STX8: variants seen among roughly 807,000 people sequenced by gnomAD.
STX8 encodes the protein syntaxin 8.
A neutral mutation model predicts 37.5 loss-of-function variants in STX8; 23 were observed. The ratio of observed to expected loss-of-function variants is 0.61; its 90% CI spans 0.44 to 0.87. The LOEUF is 0.87. Ranked by LOEUF, STX8 falls within the 40% of genes least tolerant of loss-of-function variation. STX8 has a pLI of 0.00. For synonymous variants in STX8, 115 were observed against 99.1 expected, an observed-to-expected ratio of 1.16 and a Z score of -0.95; for missense variants, 313 against 284.7, an observed-to-expected ratio of 1.10 and a Z score of -0.71.
At chr17:9,472,070 C>CTTT (rs11364559) in intron 6 of STX8, among the ~76,000 whole-genome samples, 11 of 139,900 alleles carry the variant, frequency 7.9e-5, no homozygotes, top group African/African-American at 2.9e-4. Context: ...TGGTAGATTC[C>CTTT]TTTTTTTTTT....
At chr17:9,358,564 T>C (rs1910956277) in intron 7 of STX8, among the ~76,000 whole-genome samples, 1 of 152,228 alleles carries the variant, frequency 6.6e-6, no homozygotes, top group South Asian at 2.1e-4. Flanking sequence ...CTTGGGACTA[T>C]TCCTGTGCTC....
intron 6 of STX8, among the ~76,000 whole-genome samples, chr17:9,379,561 G>A (rs867209655): frequency 6.6e-4 from 101 of 152,278 alleles, no homozygotes; most frequent in African/African-American, 2.2e-3. Flanking sequence ...GAGGCATATC[G>A]AGCAGTTGAA....
At chr17:9,400,619 G>C (rs549565688) in intron 6 of STX8, among the ~76,000 whole-genome samples, 4 of 151,984 alleles carry the variant, frequency 2.6e-5, no homozygotes, top group East Asian at 1.9e-4. Flanking sequence ...TGGTCAGGCT[G>C]GTCTCAAACT....
At chr17:9,410,793 T>A (rs1265636166) in intron 6 of STX8, among the ~76,000 whole-genome samples, 1 of 152,156 alleles carries the variant, frequency 6.6e-6, no homozygotes, top group African/African-American at 2.4e-5. Context: ...TTCATTACAT[T>A]TTTTTCCTAA....
rs140965935 is a variant in STX8 at position 9,356,960 on chromosome 17, G to GTTTTTTTTTTTTTTTTT, written c.643+21575_643+21591dup. Among the ~76,000 whole-genome samples the GTTTTTTTTTTTTTTTTT allele has an allele frequency of 3.9e-4, 24 of 61,748 alleles. 1 individual carries two copies. Among genetic ancestry groups the GTTTTTTTTTTTTTTTTT allele is most frequent in the African/African-American group, 1.4e-3 (23 of 16,090 alleles). 40.5% of individuals were successfully genotyped at this position (61,748 alleles called of 152,430 possible). On this transcript the variant is annotated intron_variant, in intron 7 of 7. Coordinates refer to ENST00000306357, the MANE Select transcript of STX8 (RefSeq NM_004853.3). ...TTTCATTCTCTCCATCCTTTTAACA[G>GTTTTTTTTTTTTTTTTT]TTTTTTTTTTTTTTTTTTTTTTTTT...
intron 4 of STX8, among the ~76,000 whole-genome samples, chr17:9,505,917 G>C (rs902784822): frequency 7.0e-6 from 1 of 143,538 alleles, no homozygotes; most frequent in Admixed American, 7.2e-5. Context: ...ACTGCAGCCT[G>C]GGTAGCGGAG....
chr17:9,377,266 C>T (rs986290861), intron 7 of STX8, among the ~76,000 whole-genome samples: 1 of 151,844 alleles, frequency 6.6e-6, no homozygotes, highest in African/African-American at 2.4e-5. Flanking sequence ...AGTATGTTCT[C>T]AGATCTCTAG....
chr17:9,279,825 C>T (rs1156899213), intron 7 of STX8, among the ~76,000 whole-genome samples: 1 of 152,136 alleles, frequency 6.6e-6, no homozygotes, highest in East Asian at 1.9e-4. Flanking sequence ...AATGAGAACA[C>T]CTAACGTGGA....
chr17:9,332,380 C>T (rs375359413), intron 7 of STX8, among the ~76,000 whole-genome samples: 4 of 152,306 alleles, frequency 2.6e-5, no homozygotes, highest in Admixed American at 6.5e-5. Context: ...ATCAGATCGA[C>T]GTGCTGCCTT....
In STX8 at chr17:9,485,237, G is replaced by A. The variant is rs541052965; in HGVS notation, c.541+6592C>T. Among the ~76,000 whole-genome samples the A allele has an allele frequency of 1.2e-4, 18 of 152,288 alleles. 1 individual carries two copies. The highest frequency in any genetic ancestry group is 1.2e-3 in the East Asian group (6 of 5,190). The stretch of plus-strand genomic sequence containing the variant: ...AAGGTATCAGGCTATTGCAGTAATC[G>A]AGGCCAAGGATGACAGTGGCCCAGA... On this transcript the variant is annotated intron_variant, in intron 6 of 7. Coordinates refer to ENST00000306357, the MANE Select transcript of STX8 (RefSeq NM_004853.3).
At chr17:9,490,340 ATCCCC>A (rs1906801192) in intron 6 of STX8, among the ~76,000 whole-genome samples, 1 of 151,976 alleles carries the variant, frequency 6.6e-6, no homozygotes, top group Admixed American at 6.6e-5. Context: ...GTGTTCGTCT[ATCCCC>A]AGGGCTTCGA....
chr17:9,562,570 G>A (rs116641999), intron 2 of STX8, among the ~76,000 whole-genome samples: 355 of 147,606 alleles, frequency 2.4e-3, no homozygotes, highest in African/African-American at 8.6e-3. Flanking sequence ...TAATCCAGTA[G>A]AAAAATGGGC....
chr17:9,258,277 T>G (rs1200684527), intron 7 of STX8, among the ~76,000 whole-genome samples: 1 of 152,248 alleles, frequency 6.6e-6, no homozygotes, highest in Non-Finnish European at 1.5e-5. Flanking sequence ...GAGACAAAAC[T>G]GGAATATTTA....
At chr17:9,536,078 A>C (rs1906038896) in intron 4 of STX8, among the ~76,000 whole-genome samples, 1 of 152,226 alleles carries the variant, frequency 6.6e-6, no homozygotes, top group Non-Finnish European at 1.5e-5. Context: ...AGGATATGCC[A>C]AAAATTATTG....
intron 7 of STX8, among the ~76,000 whole-genome samples, chr17:9,287,617 CA>C (rs760946106): frequency 6.6e-6 from 1 of 152,162 alleles, no homozygotes; most frequent in Non-Finnish European, 1.5e-5. Context: ...TAAACAAAGA[CA>C]AAAGAAATGC....
At chr17:9,351,176 C>CTTTTTTTTTT (rs71135970) in intron 7 of STX8, among the ~76,000 whole-genome samples, 3 of 99,814 alleles carry the variant, frequency 3.0e-5, no homozygotes, top group African/African-American at 4.1e-5. Flanking sequence ...ATTTCCTTGT[C>CTTTTTTTTTT]TTTTTTTTTT....
At chr17:9,481,218 A>T (rs986893362) in intron 6 of STX8, among the ~76,000 whole-genome samples, 1 of 152,038 alleles carries the variant, frequency 6.6e-6, no homozygotes, top group Non-Finnish European at 1.5e-5. Context: ...CTTGACCCAT[A>T]AAGTGCCTCA....
chr17:9,503,105 CA>C (rs61437085), intron 5 of STX8, among the ~76,000 whole-genome samples: 1,202 of 58,502 alleles, frequency 0.021, 9 homozygotes, highest in African/African-American at 0.087. Flanking sequence ...GACTCTGTCT[CA>C]AAAAAAAAAA....
rs190754743 is a variant in STX8 at position 9,314,165 on chromosome 17, T to A, written c.644-63520A>T. Among the ~76,000 whole-genome samples, 262 of 152,292 alleles carry A rather than the reference T, an allele frequency of 1.7e-3. 2 individuals are homozygous for A. Among genetic ancestry groups the A allele is most frequent in the Non-Finnish European group, 2.8e-3 (193 of 68,024 alleles). On this transcript the variant is annotated intron_variant, in intron 7 of 7. Coordinates refer to ENST00000306357, the MANE Select transcript of STX8 (RefSeq NM_004853.3). Reference sequence around the variant, plus strand: ...GTAACTCCTTGCTCTCTAAAAATGTTTGATGAATGAAAGATGAATTAACAC... The same window carrying A: ...GTAACTCCTTGCTCTCTAAAAATGTATGATGAATGAAAGATGAATTAACAC...
Sources: gnomAD v4.1 joint callset for allele counts (sites outside exome capture counted in the v4.1 genomes callset) on GRCh38, gnomAD v4.1.1 for gene constraint, MANE v1.5 for transcripts, NCBI Gene and HGNC (gene_info 2026-07-23, HGNC 2026-07-21) for gene names.